Variants in SLC2A14 observed in about 807,000 individuals in gnomAD.
SLC2A14 encodes solute carrier family 2, facilitated glucose transporter member 14.
In SLC2A14, 13 loss-of-function variants were observed where a neutral mutation model predicts 43.0. The observed-to-expected ratio is 0.30, with a 90% CI of 0.20 to 0.48. The LOEUF (loss-of-function observed/expected upper bound fraction) is 0.48, where lower values mean the gene tolerates loss of function less well. SLC2A14 is among the 20% of genes least tolerant of loss of function. The pLI is 0.99. For missense variants in SLC2A14, 428 were observed against 620.4 expected (o/e 0.69, Z 3.29); for synonymous variants, 190 against 233.8 (o/e 0.81, Z 1.71).
At chr12:7,877,073 C>T (rs759773739), upstream of SLC2A14, among the ~76,000 whole-genome samples, 7 of 151,140 alleles carry the variant, frequency 4.6e-5, no homozygotes, top group East Asian at 1.9e-4. Context: ...GCACAATCTC[C>T]GCTCACTGCA....
At chr12:7,880,321 A>G (rs1212623389) in intron 1 of SLC2A14, among the ~76,000 whole-genome samples, 1 of 150,258 alleles carries the variant, frequency 6.7e-6, no homozygotes, top group Non-Finnish European at 1.5e-5. Flanking sequence ...AAATAAATAC[A>G]TATTTTAAAA....
At position 7,832,812 on chromosome 12, in the gene SLC2A14, G is replaced by A. The variant is rs1223823474; in HGVS notation, c.21C>T (p.Val7=). Residue 7 remains valine, a splice_region_variant and synonymous_variant, in exon 3 of 11, where the codon GTC becomes GTT. Transcript: ENST00000431042. ...TGATGGCAAAGATCAGAGCTGGGGT[G>A]ACCTGGAGAGACAGAGGACAGGGAG... The part of the protein sequence containing the change: MDNRQN[V]TPALIFAITV... 2 of 1,614,046 alleles carry A rather than the reference G, an allele frequency of 1.2e-6. No homozygotes were observed. Among genetic ancestry groups the A allele is most frequent in the Admixed American group, 1.7e-5 (1 of 60,002 alleles).
chr12:7,857,239 G>C (rs1204022833), intron 2 of SLC2A14, among the ~76,000 whole-genome samples: 1 of 150,206 alleles, frequency 6.7e-6, no homozygotes, highest in East Asian at 2.0e-4. Flanking sequence ...GACAGAGCAA[G>C]AATCCGTCTC....
At chr12:7,818,903 G>A (rs1863702196) in intron 9 of SLC2A14, among the ~76,000 whole-genome samples, 1 of 151,808 alleles carries the variant, frequency 6.6e-6, no homozygotes, top group African/African-American at 2.4e-5. Flanking sequence ...CATAAAGTGT[G>A]ATTACCTTGA....
chr12:7,865,473 G>T, intron 2 of SLC2A14, among the ~76,000 whole-genome samples: 1 of 151,832 alleles, frequency 6.6e-6, no homozygotes, highest in Non-Finnish European at 1.5e-5. Flanking sequence ...GGAGGCGGAG[G>T]TTACAGTGAG....
chr12:7,886,906 G>T (rs1945696651), intron 1 of SLC2A14, among the ~76,000 whole-genome samples: 1 of 145,958 alleles, frequency 6.9e-6, no homozygotes. Context: ...AACAAATAAT[G>T]ATTTTCTTTT....
intron 2 of SLC2A14, among the ~76,000 whole-genome samples, chr12:7,854,923 C>T (rs1257278265): frequency 6.6e-6 from 1 of 152,024 alleles, no homozygotes; most frequent in African/African-American, 2.4e-5. Flanking sequence ...CAATTCTCTG[C>T]CTCAGCCTCC....
chr12:7,889,135 G>A (rs1176089921), intron 1 of SLC2A14, among the ~76,000 whole-genome samples: 3 of 151,762 alleles, frequency 2.0e-5, no homozygotes, highest in African/African-American at 4.8e-5. Flanking sequence ...TTCAGGGCAA[G>A]TCCACAAGGC....
At chr12:7,849,904 CAAA>C (rs760893036) in intron 2 of SLC2A14, among the ~76,000 whole-genome samples, 3 of 65,362 alleles carry the variant, frequency 4.6e-5, no homozygotes, top group Non-Finnish European at 6.1e-5. Context: ...GACTCCATCT[CAAA>C]AAAAAAAAAA....
At chr12:7,852,763 G>A (rs1867040362) in intron 2 of SLC2A14, among the ~76,000 whole-genome samples, 1 of 152,068 alleles carries the variant, frequency 6.6e-6, no homozygotes. Context: ...TAGACACCAT[G>A]CACCTTGATT....
At position 7,872,833 on chromosome 12, in the gene SLC2A14, G is replaced by T; in HGVS notation, c.-84C>A. 1.0e-6 allele frequency: 1 copy of T among 985,462 alleles called. No homozygotes were observed. The highest frequency in any genetic ancestry group is 1.7e-5 in the African/African-American group (1 of 57,342). 61.0% of individuals were successfully genotyped at this position (985,462 alleles called of 1,614,324 possible). A position where few individuals can be genotyped will look rare whatever the true frequency, so the allele number is the denominator to read the frequency against. The stretch of plus-strand genomic sequence containing the variant: ...TCCCAGACCCCGCGACTGCGGTTGG[G>T]CCCCGCGGCTTCGCTCAACCACGCA... On this transcript the variant is annotated 5_prime_UTR_variant, in exon 1 of 11. Coordinates refer to ENST00000431042, the MANE Select transcript of SLC2A14 (RefSeq NM_001286234.2).
intron 1 of SLC2A14, among the ~76,000 whole-genome samples, chr12:7,885,142 A>AT (rs920477455): frequency 1.3e-5 from 2 of 151,836 alleles, no homozygotes; most frequent in Non-Finnish European, 2.9e-5. Flanking sequence ...TGAGTCAGAA[A>AT]TTTTTTTTTC....
chr12:7,818,095 T>C, intron 9 of SLC2A14, 61 bp from the exon 10 acceptor site: 1 of 1,519,138 alleles, frequency 6.6e-7, no homozygotes, highest in African/African-American at 1.4e-5. Flanking sequence ...GGATCTAGGT[T>C]CCCAGAGGCA....
intron 2 of SLC2A14, among the ~76,000 whole-genome samples, chr12:7,840,135 T>G (rs966278904): frequency 4.6e-4 from 46 of 100,622 alleles, no homozygotes; most frequent in East Asian, 6.9e-4. Flanking sequence ...AAAAGTGCGG[T>G]GGGGGGACTT....
intron 7 of SLC2A14, among the ~76,000 whole-genome samples, chr12:7,826,864 T>TC (rs71457018): frequency 0.075 from 3,027 of 40,242 alleles, 442 homozygotes; most frequent in African/African-American, 0.11. Context: ...CTTTCTTTTT[T>TC]CTTTCTTTCT....
chr12:7,820,307 G>A (rs1863807278), intron 8 of SLC2A14, among the ~76,000 whole-genome samples: 1 of 151,824 alleles, frequency 6.6e-6, no homozygotes, highest in Non-Finnish European at 1.5e-5. Flanking sequence ...CAATTTTCCT[G>A]AGTACTGTGA....
chr12:7,821,431 C>T (rs1863900036), intron 7 of SLC2A14, 106 bp from the exon 8 acceptor site: 1 of 978,332 alleles, frequency 1.0e-6, no homozygotes, highest in Non-Finnish European at 1.6e-6. Flanking sequence ...GCCTGTAATC[C>T]CAGCACTTTG....
intron 2 of SLC2A14, among the ~76,000 whole-genome samples, chr12:7,839,368 G>A (rs1276226953): frequency 8.6e-5 from 13 of 151,658 alleles, no homozygotes; most frequent in Admixed American, 3.9e-4. Context: ...AGGAGGACTC[G>A]TGCTTGGCAG....
chr12:7,829,762 G>C lies in SLC2A14; in HGVS notation c.513+4C>G, dbSNP rs150272710. On this transcript the variant is annotated splice_donor_region_variant and intron_variant, in intron 5 of 10. Transcript: ENST00000431042. ...CTCATTAAGTATGAGAAGTTCTAGA[G>C]TACCTGGGCCACCAGAATTCCAATA... 2,620 of 1,614,098 alleles carry C rather than the reference G, an allele frequency of 1.6e-3. 40 individuals carry two copies. The African/African-American group carries it at 0.029, about 18-fold the overall frequency.
Sources: gnomAD v4.1 joint callset for allele counts (sites outside exome capture counted in the v4.1 genomes callset) on GRCh38, gnomAD v4.1.1 for gene constraint, MANE v1.5 for transcripts, NCBI Gene and HGNC (gene_info 2026-07-23, HGNC 2026-07-21) for gene names.